Variants in WIF1 observed in about 807,000 individuals in gnomAD.
WIF1 encodes Wnt inhibitory factor 1.
WIF1 carries 35 observed loss-of-function variants against 53.5 expected under a neutral mutation model. The ratio of observed to expected loss-of-function variants is 0.65; its 90% CI spans 0.50 to 0.87. The LOEUF is 0.87. Ranked by LOEUF, WIF1 falls within the 40% of genes least tolerant of loss-of-function variation. WIF1 has a pLI of 0.00. For synonymous variants in WIF1, 171 were observed against 170.4 expected (o/e 1.00, Z -0.03); for missense variants, 467 against 476.8 (o/e 0.98, Z 0.19).
At chr12:65,067,895 A>G in intron 4 of WIF1, 105 bp from the exon 5 acceptor site, 2 of 873,236 alleles carry the variant, frequency 2.3e-6, no homozygotes, top group Non-Finnish European at 3.5e-6. Context: ...TAGCCCACCA[A>G]TTAATCATAA....
Position 65,072,081 on chromosome 12 carries a change from C to A in WIF1, c.398-3177G>T, listed in dbSNP as rs148246610. On this transcript the variant is annotated intron_variant, in intron 3 of 9. Transcript: ENST00000286574. Reference sequence around the variant, plus strand: ...AGGTAATAATATTTATAATTAAACACCTTTTAAAAGTTTTCAAAGAATTTT... The same window carrying A: ...AGGTAATAATATTTATAATTAAACAACTTTTAAAAGTTTTCAAAGAATTTT... Among the ~76,000 whole-genome samples the A allele has an allele frequency of 4.7e-3, 709 of 152,190 alleles. 6 individuals carry two copies. Among genetic ancestry groups the A allele is most frequent in the African/African-American group, 0.016 (683 of 41,542 alleles).
In WIF1 at chr12:65,091,231, T is replaced by C. The variant is rs185259304; in HGVS notation, c.289-13377A>G. On this transcript the variant is annotated intron_variant, in intron 2 of 9. Transcript: ENST00000286574. ...CTACAGGGCAAAAACCTAGTTTCTT[T>C]AATAAAAATTTTAAGGAATGAAAAA... Among the ~76,000 whole-genome samples the C allele has an allele frequency of 1.4e-3, 219 of 151,398 alleles. 1 individual carries two copies. Among genetic ancestry groups the C allele is most frequent in the Admixed American group, 3.2e-3 (48 of 15,150 alleles).
intron 2 of WIF1, among the ~76,000 whole-genome samples, chr12:65,078,993 C>T (rs1024745370): frequency 3.3e-5 from 5 of 151,776 alleles, no homozygotes; most frequent in African/African-American, 7.3e-5. Context: ...GGCGAAACCC[C>T]GTCTCTACTA....
chr12:65,061,946 G>A (rs1021225377), intron 7 of WIF1, among the ~76,000 whole-genome samples: 3 of 152,198 alleles, frequency 2.0e-5, no homozygotes, highest in Non-Finnish European at 4.4e-5. Flanking sequence ...CTTAGTATCT[G>A]TGTGGTTCAT....
At position 65,056,066 on chromosome 12, in the gene WIF1, C is replaced by T; in HGVS notation, c.887G>A (p.Cys296Tyr). The T allele has an allele frequency of 6.2e-7, 1 of 1,614,164 alleles. No individual in the cohort carries two copies. Among genetic ancestry groups the T allele is most frequent in the Non-Finnish European group, 8.5e-7 (1 of 1,180,016 alleles). The change falls in exon 8 of 10, where the codon TGT becomes TAT. Residue 296 changes from cysteine to tyrosine, a missense_variant. Coordinates refer to ENST00000286574, the MANE Select transcript of WIF1 (RefSeq NM_007191.5). ...GAGGTCTCCCTGGTAACCTTTGGAA[C>T]ACTTACATTTGCTTTTACCAATGCA... is the stretch of plus-strand genomic sequence containing the variant. The part of the protein sequence containing the change: ...GKCIGKSKCK[C>Y]SKGYQGDLCS...
At chr12:65,116,923 ACT>A (rs1883520063) in intron 2 of WIF1, among the ~76,000 whole-genome samples, 1 of 100,830 alleles carries the variant, frequency 9.9e-6, no homozygotes, top group Non-Finnish European at 1.8e-5. Flanking sequence ...ACAGAGTGAG[ACT>A]CTGTCTCAAA....
intron 2 of WIF1, among the ~76,000 whole-genome samples, chr12:65,097,019 TAA>T (rs11301288): frequency 2.9e-3 from 396 of 137,586 alleles, no homozygotes; most frequent in Middle Eastern, 3.8e-3. Context: ...TCCTGGAACT[TAA>T]AAAAAAAAAA....
chr12:65,077,108 A>G (rs868551100), intron 3 of WIF1, among the ~76,000 whole-genome samples: 12 of 152,132 alleles, frequency 7.9e-5, no homozygotes, highest in African/African-American at 2.9e-4. Flanking sequence ...AAATCTCCTA[A>G]GTCTTAATTT....
chr12:65,093,937 C>A (rs1242453912), intron 2 of WIF1, among the ~76,000 whole-genome samples: 1 of 152,168 alleles, frequency 6.6e-6, no homozygotes, highest in Non-Finnish European at 1.5e-5. Context: ...TGATTATGAT[C>A]TCATGAAAGT....
chr12:65,082,617 T>C (rs1206354821), intron 2 of WIF1, among the ~76,000 whole-genome samples: 1 of 152,158 alleles, frequency 6.6e-6, no homozygotes, highest in African/African-American at 2.4e-5. Flanking sequence ...TTGCTTCCAA[T>C]GGACTTGGCT....
intron 2 of WIF1, among the ~76,000 whole-genome samples, chr12:65,078,119 C>A (rs1882892895): frequency 6.6e-6 from 1 of 152,150 alleles, no homozygotes; most frequent in Admixed American, 6.5e-5. Flanking sequence ...TGCTCTGTTG[C>A]CCAGGCTGGA....
Position 65,062,492 on chromosome 12 carries a change from T to A in WIF1, c.815A>T (p.Gln272Leu). Residue 272 changes from glutamine to leucine, a missense_variant, in exon 7 of 10, where the codon CAG becomes CTG. Physicochemically the swap from Gln to Leu is moderately radical, Grantham distance 113. Coordinates refer to ENST00000286574, the MANE Select transcript of WIF1 (RefSeq NM_007191.5). ...CICPPGLEGEQCEISKCPQPC... is the reference protein window; with the variant it reads ...CICPPGLEGELCEISKCPQPC... ...AAGTCAATACTCACTGATTTCACACTGCTCTCCCTCTAGTCCTGGAGGGCA... is the reference window on the plus strand; with the variant it reads ...AAGTCAATACTCACTGATTTCACACAGCTCTCCCTCTAGTCCTGGAGGGCA... 6.2e-7 allele frequency: 1 copy of A among 1,605,890 alleles called. No individual in the cohort carries two copies. The highest frequency in any genetic ancestry group is 8.5e-7 in the Non-Finnish European group (1 of 1,175,186).
intron 2 of WIF1, among the ~76,000 whole-genome samples, chr12:65,111,385 C>T (rs1300550676): frequency 6.6e-6 from 1 of 152,172 alleles, no homozygotes; most frequent in Non-Finnish European, 1.5e-5. Context: ...GGTGCCTTCA[C>T]ATGATGGACA....
intron 2 of WIF1, among the ~76,000 whole-genome samples, chr12:65,102,929 G>T (rs1191479151): frequency 6.6e-6 from 1 of 152,114 alleles, no homozygotes; most frequent in Non-Finnish European, 1.5e-5. Context: ...AAGAATGGAT[G>T]GCAAAAAACA....
intron 2 of WIF1, among the ~76,000 whole-genome samples, chr12:65,116,834 G>A: frequency 6.7e-6 from 1 of 149,374 alleles, no homozygotes; most frequent in African/African-American, 2.5e-5. Flanking sequence ...TCAGGAGGCT[G>A]AGGCAGGAGA....
chr12:65,094,160 C>G lies in WIF1; in HGVS notation c.289-16306G>C, dbSNP rs1452205683. Among the ~76,000 whole-genome samples the G allele has an allele frequency of 3.9e-5, 6 of 152,260 alleles. No individual in the cohort carries two copies. The East Asian group carries it at 1.2e-3, about 29-fold the overall frequency. On this transcript the variant is annotated intron_variant, in intron 2 of 9. Coordinates refer to ENST00000286574, the MANE Select transcript of WIF1 (RefSeq NM_007191.5). Reference sequence around the variant, plus strand: ...GCCTTGAACTATTCAAACCCCTAAGCATGGGTGTAGTACCTAAAGGGGAGG... The same window carrying G: ...GCCTTGAACTATTCAAACCCCTAAGGATGGGTGTAGTACCTAAAGGGGAGG...
At chr12:65,059,963 A>G (rs1458628656) in intron 7 of WIF1, among the ~76,000 whole-genome samples, 1 of 152,002 alleles carries the variant, frequency 6.6e-6, no homozygotes, top group Non-Finnish European at 1.5e-5. Context: ...AGACGGCATC[A>G]TTCTTGATAG....
chr12:65,072,736 C>T (rs1221317170), intron 3 of WIF1, among the ~76,000 whole-genome samples: 2 of 152,048 alleles, frequency 1.3e-5, no homozygotes, highest in East Asian at 3.9e-4. Context: ...ACATCAAAGG[C>T]AGAAAAAGCA....
intron 2 of WIF1, among the ~76,000 whole-genome samples, chr12:65,104,163 T>C (rs1279714192): frequency 1.3e-5 from 2 of 152,132 alleles, no homozygotes; most frequent in South Asian, 2.1e-4. Flanking sequence ...TGGCAGACAG[T>C]AAATGCCCCA....
Sources: gnomAD v4.1 joint callset for allele counts (sites outside exome capture counted in the v4.1 genomes callset) on GRCh38, gnomAD v4.1.1 for gene constraint, MANE v1.5 for transcripts, NCBI Gene and HGNC (gene_info 2026-07-23, HGNC 2026-07-21) for gene names.